The following TRIM33 variants were observed in gnomAD, a reference collection of about 807,000 sequenced individuals.
TRIM33 encodes E3 ubiquitin-protein ligase TRIM33.
Under a neutral mutation model 125.4 loss-of-function variants are expected in TRIM33, and 20 were observed. That is an observed-to-expected ratio of 0.16 (90% CI 0.11 to 0.23). The LOEUF is 0.23. Ranked by LOEUF, TRIM33 falls within the 10% of genes least tolerant of loss-of-function variation. The pLI is 1.00. For missense variants in TRIM33, 920 were observed against 1,411.4 expected, an observed-to-expected ratio of 0.65 and a Z score of 5.58; for synonymous variants, 564 against 513.9, an observed-to-expected ratio of 1.10 and a Z score of -1.32.
intron 11 of TRIM33, 150 bp from the exon 12 acceptor site, chr1:114,410,466 G>A: frequency 6.5e-6 from 5 of 765,426 alleles, no homozygotes; most frequent in South Asian, 2.0e-5. Context: ...AGGGTCCACT[G>A]AGGGCCCACA....
intron 5 of TRIM33, 133 bp downstream of exon 5, chr1:114,433,484 C>A (rs763885458): frequency 1.8e-6 from 1 of 564,314 alleles, no homozygotes. Context: ...ATATTATAAT[C>A]CCAAATTCAT....
Position 114,424,731 on chromosome 1 carries a change from T to C in TRIM33, c.1720A>G (p.Thr574Ala), listed in dbSNP as rs1318764127. ...CAGTTCATGTTGCCTCTTTGCATTGTTTGCACACTGATCAATCGAGGAGGC... is the reference window on the plus strand; with the variant it reads ...CAGTTCATGTTGCCTCTTTGCATTGCTTGCACACTGATCAATCGAGGAGGC... ...QQPPRLISVQ[T>A]MQRGNMNCGA... The change falls in exon 10 of 20, where the codon ACA (threonine) becomes GCA (alanine). Residue 574 changes from threonine (T) to alanine (A), a missense_variant. By Grantham distance (58) the Thr-to-Ala change is moderately conservative. Transcript: ENST00000358465. 5.0e-6 allele frequency: 8 copies of C among 1,587,424 alleles called. No individual in the cohort carries two copies. The highest frequency in any genetic ancestry group is 6.9e-6 in the Non-Finnish European group (8 of 1,166,924).
chr1:114,407,108 G>T lies in TRIM33; in HGVS notation c.2259-8C>A. On this transcript the variant is annotated splice_polypyrimidine_tract_variant and splice_region_variant and intron_variant, in intron 13 of 19. Transcript: ENST00000358465. ...CTTCCTGATGACCCACAGCTAATAAGAAACAACAAATAAAGATCACATACG... is the reference window on the plus strand; with the variant it reads ...CTTCCTGATGACCCACAGCTAATAATAAACAACAAATAAAGATCACATACG... 6.2e-7 allele frequency: 1 copy of T among 1,604,762 alleles called. No individual in the cohort carries two copies. Among genetic ancestry groups the T allele is most frequent in the Non-Finnish European group, 8.5e-7 (1 of 1,176,352 alleles).
intron 11 of TRIM33, among the ~76,000 whole-genome samples, chr1:114,415,143 T>C (rs1365870750): frequency 2.6e-5 from 4 of 151,764 alleles, no homozygotes; most frequent in Admixed American, 6.6e-5. Context: ...TACAGGTCCA[T>C]GCCAAGATGC....
chr1:114,465,699 T>A (rs1419547610), intron 1 of TRIM33, among the ~76,000 whole-genome samples: 1 of 152,056 alleles, frequency 6.6e-6, no homozygotes, highest in African/African-American at 2.4e-5. Context: ...AACAAAATAC[T>A]GTTCTTATTA....
Position 114,397,606 on chromosome 1 carries a change from C to CTTTTT in TRIM33, c.*41_*42insAAAAA. On this transcript the variant is annotated 3_prime_UTR_variant, in exon 20 of 20. Transcript: ENST00000358465. ...TTTTTTGTGTTTTTTTTTTTTTTTT[C>CTTTTT]GTTTTTTTTTTTTTAAACAATTGAT... 3.5e-6 allele frequency: 1 copy of CTTTTT among 289,434 alleles called. No individual in the cohort carries two copies. Among genetic ancestry groups the CTTTTT allele is most frequent in the Non-Finnish European group, 5.1e-6 (1 of 197,992 alleles). The allele number at this position is 289,434 out of a possible 1,614,324, so 17.9% of individuals were successfully genotyped here.
chr1:114,432,137 A>C (rs1372514981), intron 5 of TRIM33, among the ~76,000 whole-genome samples: 1 of 152,222 alleles, frequency 6.6e-6, no homozygotes, highest in African/African-American at 2.4e-5. Context: ...CTACAGATGA[A>C]ATCAATCTCC....
chr1:114,505,574 T>C (rs892161489), intron 1 of TRIM33, among the ~76,000 whole-genome samples: 3 of 152,202 alleles, frequency 2.0e-5, no homozygotes, highest in Admixed American at 6.5e-5. Flanking sequence ...TGTTTCGTTT[T>C]GTTTTGTTTT....
At chr1:114,437,941 G>A (rs956768458) in intron 4 of TRIM33, among the ~76,000 whole-genome samples, 1 of 152,118 alleles carries the variant, frequency 6.6e-6, no homozygotes, top group Non-Finnish European at 1.5e-5. Context: ...TAATAAAAGG[G>A]TGTTTTTTGC....
At chr1:114,484,986 A>C (rs966353524) in intron 1 of TRIM33, among the ~76,000 whole-genome samples, 19 of 151,890 alleles carry the variant, frequency 1.3e-4, no homozygotes, top group African/African-American at 4.6e-4. Context: ...TGGGAGGCGG[A>C]GGTTGCAGTG....
intron 1 of TRIM33, among the ~76,000 whole-genome samples, chr1:114,478,312 G>C (rs1384829670): frequency 2.0e-5 from 3 of 152,320 alleles, no homozygotes; most frequent in Non-Finnish European, 4.4e-5. Flanking sequence ...ATTGGGGAGA[G>C]AGGTGAATGC....
At chr1:114,463,590 A>G (rs2101383868) in intron 2 of TRIM33, 34 bp from the exon 3 acceptor site, 1 of 1,374,948 alleles carries the variant, frequency 7.3e-7, no homozygotes, top group East Asian at 2.3e-5. Context: ...TCTAAATTAA[A>G]TACATAAAAT....
chr1:114,414,987 C>CTTTTTTTTTTTT (rs1232374980), intron 11 of TRIM33, among the ~76,000 whole-genome samples: 1 of 108,208 alleles, frequency 9.2e-6, no homozygotes, highest in Non-Finnish European at 1.9e-5. Context: ...GAGGTAGATT[C>CTTTTTTTTTTTT]TATTTTTTTT....
Position 114,510,705 on chromosome 1 carries a change from G to T in TRIM33, c.372C>A (p.Thr124=). 2 of 1,543,478 alleles carry T rather than the reference G, an allele frequency of 1.3e-6. No homozygotes were observed. The highest frequency in any genetic ancestry group is 1.7e-6 in the Non-Finnish European group (2 of 1,150,128). The change falls in exon 1 of 20, where the codon ACC becomes ACA. Residue 124 remains threonine, a synonymous_variant. Transcript: ENST00000358465. ...PPGPPASLLD[T]CAVCQQSLQS... ...GCAAGCTCTGCTGACACACGGCGCA[G>T]GTGTCCAGGAGCGAGGCTGGCGGTC...
At chr1:114,458,425 G>C (rs1343985445) in intron 4 of TRIM33, among the ~76,000 whole-genome samples, 2 of 152,130 alleles carry the variant, frequency 1.3e-5, no homozygotes, top group East Asian at 1.9e-4. Context: ...CTACCACCCA[G>C]GCTGGTGATC....
At chr1:114,487,813 C>T (rs1042965199) in intron 1 of TRIM33, among the ~76,000 whole-genome samples, 6 of 141,618 alleles carry the variant, frequency 4.2e-5, no homozygotes, top group East Asian at 4.4e-4. Context: ...AGGAGAATGG[C>T]GTGAACCCGG....
Position 114,407,053 on chromosome 1 carries a change from T to C in TRIM33, c.2306A>G (p.Lys769Arg), listed in dbSNP as rs1453215682. ...TTGCTTGACCTTCACCTGATCAGAT[T>C]TGAAACTAAGACTTGTCTTCTCAGC... ...RTAEKTSLSF[K>R]SDQVKVKQEP... Residue 769 changes from lysine to arginine, a missense_variant, in exon 14 of 20, where the codon AAA (lysine) becomes AGA (arginine). Physicochemically the swap from Lys to Arg is conservative, Grantham distance 26. Around this residue, in one of 8 missense-constraint regions of TRIM33, gnomAD observed 407 missense variants for 589.7 expected, o/e 0.69. Transcript: ENST00000358465. The C allele has an allele frequency of 3.1e-6, 5 of 1,613,944 alleles. No individual in the cohort carries two copies. The highest frequency in any genetic ancestry group is 1.1e-5 in the South Asian group (1 of 91,058).
intron 4 of TRIM33, among the ~76,000 whole-genome samples, chr1:114,435,293 T>A (rs1648209812): frequency 6.6e-6 from 1 of 152,194 alleles, no homozygotes; most frequent in South Asian, 2.1e-4. Flanking sequence ...TGGAACTGAC[T>A]TTATCAGTGA....
chr1:114,446,400 A>G lies in TRIM33; in HGVS notation c.924-12667T>C, dbSNP rs528104745. Among the ~76,000 whole-genome samples the G allele has an allele frequency of 1.0e-3, 154 of 152,254 alleles. 4 individuals carry two copies. The South Asian group carries it at 0.031, about 31-fold the overall frequency. On this transcript the variant is annotated intron_variant, in intron 4 of 19. Coordinates refer to ENST00000358465, the MANE Select transcript of TRIM33 (RefSeq NM_015906.4). ...CTTTTTTTTTTAAGTATTGTATGTTAAGGTATATAATGCATGAATAAATGA... is the reference window on the plus strand; with the variant it reads ...CTTTTTTTTTTAAGTATTGTATGTTGAGGTATATAATGCATGAATAAATGA...
Sources: gnomAD v4.1 joint callset for allele counts (sites outside exome capture counted in the v4.1 genomes callset) on GRCh38, gnomAD v4.1.1 for gene constraint, gnomAD v4.1.1 regional missense constraint, MANE v1.5 for transcripts, NCBI Gene and HGNC (gene_info 2026-07-23, HGNC 2026-07-21) for gene names.